The following GPC6 variants were observed in gnomAD, a reference collection of about 807,000 sequenced individuals.
GPC6 encodes glypican 6, also known as glypican-6.
A neutral mutation model predicts 55.2 loss-of-function variants in GPC6; 14 were observed. The observed-to-expected ratio is 0.25, with a 90% confidence interval of 0.17 to 0.40. The LOEUF (loss-of-function observed/expected upper bound fraction) is 0.40, where lower values mean the gene tolerates loss of function less well. Ranked by LOEUF, GPC6 falls within the 10% of genes least tolerant of loss-of-function variation. The probability of loss-of-function intolerance (pLI) is 1.00; values close to 1 mark genes in which losing one functional copy is unlikely to be tolerated. For synonymous variants in GPC6, 278 were observed against 259.6 expected (o/e 1.07, Z -0.68); for missense variants, 641 against 708.5 (o/e 0.90, Z 1.08).
At chr13:94,323,975 A>T (rs1293732333) in intron 6 of GPC6, among the ~76,000 whole-genome samples, 2 of 152,174 alleles carry the variant, frequency 1.3e-5, no homozygotes, top group Non-Finnish European at 2.9e-5. Context: ...CACATTTAGG[A>T]CTAGTCGCTG....
intron 4 of GPC6, among the ~76,000 whole-genome samples, chr13:94,226,829 G>A (rs1350153194): frequency 6.6e-6 from 1 of 152,170 alleles, no homozygotes; most frequent in East Asian, 1.9e-4. Flanking sequence ...AAGCCTAAAG[G>A]GTTGTACCAT....
chr13:93,998,296 A>AT (rs1666787608), intron 3 of GPC6, among the ~76,000 whole-genome samples: 1 of 152,282 alleles, frequency 6.6e-6, no homozygotes, highest in East Asian at 1.9e-4. Context: ...AATTTCCTTG[A>AT]TTGTAAGTTT....
At position 94,155,506 on chromosome 13, in the gene GPC6, C is replaced by T. The variant is rs143563369; in HGVS notation, c.877+127612C>T. On this transcript the variant is annotated intron_variant, in intron 4 of 8. Coordinates refer to ENST00000377047, the MANE Select transcript of GPC6 (RefSeq NM_005708.5). ...TGCCTTCTCCTAAAATCGAAAAAAG[C>T]CTAAAACTAATCTTCATATTTTATC... Among the ~76,000 whole-genome samples, 816 of 152,226 alleles carry T rather than the reference C, an allele frequency of 5.4e-3. 6 individuals carry two copies. The highest frequency in any genetic ancestry group is 0.018 in the African/African-American group (738 of 41,544).
At chr13:93,690,584 C>T (rs892869885) in intron 2 of GPC6, among the ~76,000 whole-genome samples, 7 of 151,722 alleles carry the variant, frequency 4.6e-5, no homozygotes, top group African/African-American at 1.2e-4. Context: ...TTCCCAAGAA[C>T]GTCATTCTTT....
chr13:93,461,039 TTGA>T (rs1229364017), intron 1 of GPC6, among the ~76,000 whole-genome samples: 1 of 152,162 alleles, frequency 6.6e-6, no homozygotes, highest in African/African-American at 2.4e-5. Flanking sequence ...TTAGTAAAAC[TTGA>T]TGAATGAATC....
At chr13:93,373,299 T>C (rs1232717599) in intron 1 of GPC6, among the ~76,000 whole-genome samples, 1 of 152,170 alleles carries the variant, frequency 6.6e-6, no homozygotes, top group Admixed American at 6.6e-5. Context: ...ACATTTCAGA[T>C]CATAATGAAA....
intron 6 of GPC6, among the ~76,000 whole-genome samples, chr13:94,315,204 T>C (rs1265113563): frequency 6.6e-6 from 1 of 152,222 alleles, no homozygotes; most frequent in Admixed American, 6.5e-5. Flanking sequence ...TAACAAATAA[T>C]TTGTTGGAAG....
At chr13:93,788,711 G>C (rs1885893297) in intron 2 of GPC6, among the ~76,000 whole-genome samples, 1 of 152,032 alleles carries the variant, frequency 6.6e-6, no homozygotes, top group Non-Finnish European at 1.5e-5. Context: ...GAGAGGCTGA[G>C]GGCATGGTAA....
chr13:94,100,350 G>A (rs1384946937), intron 4 of GPC6, among the ~76,000 whole-genome samples: 1 of 152,134 alleles, frequency 6.6e-6, no homozygotes, highest in Non-Finnish European at 1.5e-5. Flanking sequence ...TCACATTTCA[G>A]TGTTTAATAC....
intron 1 of GPC6, among the ~76,000 whole-genome samples, chr13:93,325,258 G>C (rs1350684623): frequency 6.6e-6 from 1 of 152,124 alleles, no homozygotes. Flanking sequence ...GGTTTTTGTA[G>C]TTAATAGCTG....
intron 3 of GPC6, among the ~76,000 whole-genome samples, chr13:93,875,497 C>G (rs1594546267): frequency 6.6e-6 from 1 of 152,032 alleles, no homozygotes; most frequent in East Asian, 1.9e-4. Context: ...AATCAATAGT[C>G]TCTACCAGCC....
intron 2 of GPC6, among the ~76,000 whole-genome samples, chr13:93,643,424 A>G (rs1321072070): frequency 6.6e-6 from 1 of 152,118 alleles, no homozygotes; most frequent in Admixed American, 6.6e-5. Flanking sequence ...TTACAAGTAC[A>G]AGGGAGCCCC....
intron 3 of GPC6, among the ~76,000 whole-genome samples, chr13:94,009,934 G>A (rs1323606789): frequency 6.6e-6 from 1 of 152,170 alleles, no homozygotes; most frequent in Non-Finnish European, 1.5e-5. Context: ...TGCTGTTGGA[G>A]TTGTTATTAC....
At chr13:93,517,111 G>T (rs1234959594) in intron 1 of GPC6, among the ~76,000 whole-genome samples, 1 of 152,014 alleles carries the variant, frequency 6.6e-6, no homozygotes, top group Non-Finnish European at 1.5e-5. Flanking sequence ...GTGTACTATT[G>T]TCACCAAACG....
chr13:93,757,986 T>C (rs1884833456), intron 2 of GPC6, among the ~76,000 whole-genome samples: 1 of 152,188 alleles, frequency 6.6e-6, no homozygotes, highest in Non-Finnish European at 1.5e-5. Context: ...CTAAATTACA[T>C]CCAGTCACTG....
chr13:93,294,746 A>C (rs1254794922), intron 1 of GPC6, among the ~76,000 whole-genome samples: 2 of 152,056 alleles, frequency 1.3e-5, no homozygotes, highest in African/African-American at 4.8e-5. Flanking sequence ...CCCTTCCGAG[A>C]GTTCTATCTA....
rs143759461 is a variant in GPC6 at position 94,108,578 on chromosome 13, C to T, written c.877+80684C>T. On this transcript the variant is annotated intron_variant, in intron 4 of 8. Transcript: ENST00000377047. ...ATTAGGTACCAGGTGCAGTGGCTGA[C>T]GCTTTTAATCCCAGCACTTTGGGAG... Among the ~76,000 whole-genome samples, 1,011 of 152,200 alleles carry T rather than the reference C, an allele frequency of 6.6e-3. 11 individuals carry two copies. The highest frequency in any genetic ancestry group is 0.022 in the African/African-American group (912 of 41,534).
intron 4 of GPC6, among the ~76,000 whole-genome samples, chr13:94,266,152 T>TTTTC (rs1491362626): frequency 4.1e-5 from 3 of 73,522 alleles, no homozygotes; most frequent in East Asian, 1.2e-3. Context: ...TTTTCTTTTC[T>TTTTC]TTTTTTTTTT....
At chr13:93,849,254 T>C (rs1461045924) in intron 3 of GPC6, among the ~76,000 whole-genome samples, 1 of 152,112 alleles carries the variant, frequency 6.6e-6, no homozygotes, top group Non-Finnish European at 1.5e-5. Context: ...ATATGCGTTA[T>C]AACATCTCCC....
Sources: allele counts gnomAD v4.1 joint callset (sites outside exome capture counted in the v4.1 genomes callset), GRCh38; gene constraint gnomAD v4.1.1; transcripts MANE v1.5; gene names NCBI Gene and HGNC (gene_info 2026-07-23, HGNC 2026-07-21).